Variants in SNX30 observed in about 807,000 individuals in gnomAD.
SNX30 encodes the protein sorting nexin-30.
Under a neutral mutation model 46.4 loss-of-function variants are expected in SNX30, and 24 were observed. The observed-to-expected ratio is 0.52, with a 90% CI of 0.37 to 0.73. The LOEUF is 0.73. Among genes scored for constraint, SNX30 ranks in the 30% least tolerant of loss-of-function variants. The pLI, the probability that SNX30 is intolerant of heterozygous loss-of-function variation, is 0.00. For missense variants in SNX30, 533 were observed against 555.7 expected (o/e 0.96, Z 0.41); for synonymous variants, 189 against 211.5 (o/e 0.89, Z 0.92).
chr9:112,815,035 A>G (rs764332631), intron 2 of SNX30, among the ~76,000 whole-genome samples: 7 of 152,248 alleles, frequency 4.6e-5, no homozygotes, highest in Non-Finnish European at 1.0e-4. Flanking sequence ...AAATGAATGA[A>G]TATGCGTAGA....
rs187332326 is a variant in SNX30 at position 112,828,628 on chromosome 9, G to A, written c.460-2097G>A. On this transcript the variant is annotated intron_variant, in intron 3 of 8. Coordinates refer to ENST00000374232, the MANE Select transcript of SNX30 (RefSeq NM_001012994.2). ...TTCCTTCATGGGGGCAGGAATAAGCGGAGATCTGATCAGGGATCCGTTGAC... is the reference window on the plus strand; with the variant it reads ...TTCCTTCATGGGGGCAGGAATAAGCAGAGATCTGATCAGGGATCCGTTGAC... Among the ~76,000 whole-genome samples the A allele has an allele frequency of 1.1e-4, 16 of 152,308 alleles. 1 individual carries two copies. In the East Asian group the frequency reaches 1.9e-3, roughly 18 times the overall value.
chr9:112,884,388 C>T (rs1171538657), downstream of SNX30, among the ~76,000 whole-genome samples: 1 of 152,226 alleles, frequency 6.6e-6, no homozygotes, highest in Non-Finnish European at 1.5e-5. Flanking sequence ...CTGTTGCTCT[C>T]CCTGAAGATT....
At chr9:112,771,334 T>G (rs115729841) in intron 1 of SNX30, among the ~76,000 whole-genome samples, 4,725 of 152,332 alleles carry the variant, frequency 0.031, 243 homozygotes, top group African/African-American at 0.1. Context: ...AAAGCTTATA[T>G]GGCTATTAGT....
chr9:112,811,184 C>T (rs1840313168), intron 2 of SNX30, among the ~76,000 whole-genome samples: 1 of 152,172 alleles, frequency 6.6e-6, no homozygotes, highest in Admixed American at 6.5e-5. Context: ...GGCTGGAAGC[C>T]TCTACTTGTC....
intron 1 of SNX30, among the ~76,000 whole-genome samples, chr9:112,769,263 G>T (rs1448561190): frequency 6.6e-6 from 1 of 152,194 alleles, no homozygotes; most frequent in African/African-American, 2.4e-5. Flanking sequence ...CATCATTCAA[G>T]ACCTCTACAT....
At chr9:112,756,343 T>C (rs1469098098) in intron 1 of SNX30, among the ~76,000 whole-genome samples, 1 of 152,078 alleles carries the variant, frequency 6.6e-6, no homozygotes, top group African/African-American at 2.4e-5. Flanking sequence ...TCTGAAATCA[T>C]GTCCTCACCA....
intron 6 of SNX30, among the ~76,000 whole-genome samples, chr9:112,843,843 G>C (rs1840896839): frequency 6.6e-6 from 1 of 152,088 alleles, no homozygotes. Context: ...TCGAACTCCT[G>C]ACCTCATGAT....
At chr9:112,864,493 C>T (rs546949299) in intron 8 of SNX30, 94 bp downstream of exon 8, 14 of 1,494,312 alleles carry the variant, frequency 9.4e-6, no homozygotes, top group African/African-American at 1.4e-5. Flanking sequence ...CTGCTAGTCT[C>T]ATCTCCTTCC....
intron 6 of SNX30, among the ~76,000 whole-genome samples, chr9:112,849,435 T>C (rs921334722): frequency 6.6e-6 from 1 of 152,228 alleles, no homozygotes; most frequent in Non-Finnish European, 1.5e-5. Flanking sequence ...CAGTGGCTCC[T>C]GGGTTAGTGT....
At chr9:112,774,906 G>A (rs1179205340) in intron 1 of SNX30, among the ~76,000 whole-genome samples, 2 of 147,992 alleles carry the variant, frequency 1.4e-5, no homozygotes, top group Admixed American at 1.4e-4. Flanking sequence ...GTGCAGTGGC[G>A]CCGTCTCGAC....
At chr9:112,879,478 A>G, downstream of SNX30, 1 of 357,350 alleles carries the variant, frequency 2.8e-6, no homozygotes, top group South Asian at 5.6e-5. Context: ...TGCTGTGTGC[A>G]GCCTGCCTGT....
In SNX30 at chr9:112,871,295, G is replaced by C. The variant is rs1841439873; in HGVS notation, c.*2452G>C. The C allele has an allele frequency of 6.6e-6, 1 of 152,168 alleles. No homozygotes were observed. Among genetic ancestry groups the C allele is most frequent in the South Asian group, 2.1e-4 (1 of 4,818 alleles). 9.4% of individuals were successfully genotyped at this position (152,168 alleles called of 1,614,324 possible). ...CTTCCAGAGAAAGGATTCCTTCCCAGCCTCCAGGCTGGTGTCTCATGAGGT... is the reference window on the plus strand; with the variant it reads ...CTTCCAGAGAAAGGATTCCTTCCCACCCTCCAGGCTGGTGTCTCATGAGGT... On this transcript the variant is annotated 3_prime_UTR_variant, in exon 9 of 9. Transcript: ENST00000374232.
chr9:112,766,692 C>T (rs983508188), intron 1 of SNX30, among the ~76,000 whole-genome samples: 17 of 152,208 alleles, frequency 1.1e-4, no homozygotes, highest in Admixed American at 9.8e-4. Context: ...TAGATTCCTC[C>T]TGTAAATAGA....
chr9:112,858,474 C>T (rs1841170899), intron 7 of SNX30, among the ~76,000 whole-genome samples: 1 of 151,970 alleles, frequency 6.6e-6, no homozygotes, highest in Non-Finnish European at 1.5e-5. Flanking sequence ...GTGATTGTGC[C>T]ACTGCACTCC....
At chr9:112,767,058 C>T (rs1453305651) in intron 1 of SNX30, among the ~76,000 whole-genome samples, 1 of 151,652 alleles carries the variant, frequency 6.6e-6, no homozygotes, top group Non-Finnish European at 1.5e-5. Flanking sequence ...CACCATTTTA[C>T]AATCCTGCCA....
At chr9:112,783,712 T>G (rs1488522426) in intron 1 of SNX30, among the ~76,000 whole-genome samples, 3 of 152,224 alleles carry the variant, frequency 2.0e-5, no homozygotes, top group African/African-American at 7.2e-5. Context: ...GATGACAGTC[T>G]GTGGGCTGTT....
At position 112,787,817 on chromosome 9, in the gene SNX30, G is replaced by C. The variant is rs1375579393; in HGVS notation, c.157-16959G>C. 6.0e-5 allele frequency among the ~76,000 whole-genome samples: 9 copies of C among 149,644 alleles called. No homozygotes were observed. In the South Asian group the frequency reaches 1.7e-3, roughly 29 times the overall value. On this transcript the variant is annotated intron_variant, in intron 1 of 8. Coordinates refer to ENST00000374232, the MANE Select transcript of SNX30 (RefSeq NM_001012994.2). Reference sequence around the variant, plus strand: ...CAAGGACGCTTTTTTTTTTTTTAAAGATGGAGTCTCGCTCTGTCGCCCAGG... The same window carrying C: ...CAAGGACGCTTTTTTTTTTTTTAAACATGGAGTCTCGCTCTGTCGCCCAGG...
At chr9:112,781,889 G>T (rs554082829) in intron 1 of SNX30, among the ~76,000 whole-genome samples, 2 of 151,590 alleles carry the variant, frequency 1.3e-5, no homozygotes, top group East Asian at 3.9e-4. Context: ...TGATCCACCC[G>T]CCTTATCCTC....
intron 2 of SNX30, among the ~76,000 whole-genome samples, chr9:112,813,818 T>G (rs1588124952): frequency 6.6e-6 from 1 of 152,160 alleles, no homozygotes; most frequent in African/African-American, 2.4e-5. Flanking sequence ...CCAACAAAAT[T>G]ACTGACAGCC....
Sources: allele counts gnomAD v4.1 joint callset (sites outside exome capture counted in the v4.1 genomes callset), GRCh38; gene constraint gnomAD v4.1.1; transcripts MANE v1.5; gene names NCBI Gene and HGNC (gene_info 2026-07-23, HGNC 2026-07-21).